FBXL20: variants seen among roughly 807,000 people sequenced by gnomAD.
The protein encoded by FBXL20 is F-box/LRR-repeat protein 20.
FBXL20 carries 11 observed loss-of-function variants against 64.0 expected under a neutral mutation model. The observed-to-expected ratio is 0.17, with a 90% confidence interval of 0.11 to 0.28. The LOEUF is 0.28. FBXL20 is among the 10% of genes least tolerant of loss of function. FBXL20 has a pLI of 1.00. For synonymous variants in FBXL20, 184 were observed against 189.0 expected, an observed-to-expected ratio of 0.97 and a Z score of 0.22; for missense variants, 303 against 526.2, an observed-to-expected ratio of 0.58 and a Z score of 4.15.
At chr17:39,278,633 C>T (rs556919539) in intron 9 of FBXL20, among the ~76,000 whole-genome samples, 1 of 150,606 alleles carries the variant, frequency 6.6e-6, no homozygotes, top group African/African-American at 2.4e-5. Context: ...CTGCAACCTC[C>T]ACCTCCTGGG....
intron 1 of FBXL20, among the ~76,000 whole-genome samples, chr17:39,346,519 T>C (rs1183476054): frequency 6.6e-6 from 1 of 152,144 alleles, no homozygotes; most frequent in Non-Finnish European, 1.5e-5. Context: ...ATTAAAATTA[T>C]GGTCCAAGTA....
At chr17:39,377,260 A>T (rs2047976129) in intron 1 of FBXL20, among the ~76,000 whole-genome samples, 1 of 151,450 alleles carries the variant, frequency 6.6e-6, no homozygotes, top group Non-Finnish European at 1.5e-5. Flanking sequence ...TGGAGCCCCC[A>T]CCCAGGAACT....
intron 2 of FBXL20, among the ~76,000 whole-genome samples, chr17:39,326,342 A>C (rs922287559): frequency 6.6e-6 from 1 of 152,122 alleles, no homozygotes; most frequent in African/African-American, 2.4e-5. Flanking sequence ...GAATAACCTA[A>C]AGAACTAATC....
At chr17:39,291,734 C>T (rs1360533783) in intron 6 of FBXL20, among the ~76,000 whole-genome samples, 1 of 152,116 alleles carries the variant, frequency 6.6e-6, no homozygotes, top group Admixed American at 6.6e-5. Context: ...TGTGCCCGGC[C>T]AAACTTTTCT....
intron 1 of FBXL20, among the ~76,000 whole-genome samples, chr17:39,379,241 CATA>C (rs556540452): frequency 2.7e-5 from 4 of 150,710 alleles, no homozygotes; most frequent in African/African-American, 7.3e-5. Context: ...AATAAAATAA[CATA>C]ATAATAATAA....
rs2046717653 is a variant in FBXL20 at position 39,258,718 on chromosome 17, G to C, written c.*2742C>G. The C allele has an allele frequency of 6.6e-6, 1 of 152,076 alleles. No individual in the cohort carries two copies. The highest frequency in any genetic ancestry group is 6.6e-5 in the Admixed American group (1 of 15,254). 9.4% of individuals were successfully genotyped at this position (152,076 alleles called of 1,614,324 possible). A position where few individuals can be genotyped will look rare whatever the true frequency, so the allele number is the denominator to read the frequency against. ...AAATCCACACTCACTAATCAATCTG[G>C]GTTTTATGGTCAATTTGTACAGGCA... On this transcript the variant is annotated 3_prime_UTR_variant, in exon 15 of 15. Transcript: ENST00000264658.
At chr17:39,390,582 C>G (rs1159332667) in intron 1 of FBXL20, among the ~76,000 whole-genome samples, 1 of 151,244 alleles carries the variant, frequency 6.6e-6, no homozygotes, top group African/African-American at 2.4e-5. Context: ...AAAAAAATAG[C>G]CAGATATGGT....
rs147031283 is a variant in FBXL20 at position 39,396,574 on chromosome 17, C to T, written c.42+4787G>A. 9.9e-4 allele frequency among the ~76,000 whole-genome samples: 139 copies of T among 140,168 alleles called. No individual in the cohort carries two copies. In the East Asian group the frequency reaches 0.024, roughly 24 times the overall value. The allele number at this position is 140,168 out of a possible 152,430, so 92.0% of individuals were successfully genotyped here. A position where few individuals can be genotyped will look rare whatever the true frequency, so the allele number is the denominator to read the frequency against. Reference sequence around the variant, plus strand: ...TCGCACCATTGCACTCTGACCTGGGCGACAAAAGCGAAACTCCGTCTCAAA... The same window carrying T: ...TCGCACCATTGCACTCTGACCTGGGTGACAAAAGCGAAACTCCGTCTCAAA... On this transcript the variant is annotated intron_variant, in intron 1 of 14. Coordinates refer to ENST00000264658, the MANE Select transcript of FBXL20 (RefSeq NM_032875.3).
intron 1 of FBXL20, among the ~76,000 whole-genome samples, chr17:39,400,274 C>T (rs1663686927): frequency 6.6e-6 from 1 of 152,150 alleles, no homozygotes; most frequent in African/African-American, 2.4e-5. Context: ...TTTCCCAGTT[C>T]GCATAATAAG....
chr17:39,392,369 G>A (rs1219993918), intron 1 of FBXL20, among the ~76,000 whole-genome samples: 4 of 151,632 alleles, frequency 2.6e-5, no homozygotes, highest in African/African-American at 9.7e-5. Flanking sequence ...GAACCTGGGA[G>A]GCGGAGGTTG....
chr17:39,333,256 C>T (rs532087325), intron 2 of FBXL20, among the ~76,000 whole-genome samples: 1 of 152,338 alleles, frequency 6.6e-6, no homozygotes, highest in African/African-American at 2.4e-5. Flanking sequence ...CCTGATTCTC[C>T]TGCCTCAGCC....
chr17:39,295,647 A>G (rs1376096305), intron 6 of FBXL20, among the ~76,000 whole-genome samples: 1 of 152,048 alleles, frequency 6.6e-6, no homozygotes, highest in Non-Finnish European at 1.5e-5. Context: ...TGGCTATTAA[A>G]CGATAAAACA....
At chr17:39,319,178 G>A (rs1343495822) in intron 2 of FBXL20, among the ~76,000 whole-genome samples, 2 of 151,988 alleles carry the variant, frequency 1.3e-5, no homozygotes, top group African/African-American at 4.8e-5. Context: ...GAACCAGGGA[G>A]TAGGAGGTTG....
At chr17:39,326,297 G>T (rs914042010) in intron 2 of FBXL20, among the ~76,000 whole-genome samples, 1 of 151,732 alleles carries the variant, frequency 6.6e-6, no homozygotes, top group Non-Finnish European at 1.5e-5. Flanking sequence ...AACTGAATAC[G>T]AAAATAAATG....
chr17:39,358,141 C>T (rs898437552), intron 1 of FBXL20, among the ~76,000 whole-genome samples: 1 of 152,134 alleles, frequency 6.6e-6, no homozygotes, highest in Admixed American at 6.6e-5. Context: ...AGAACAGGAG[C>T]TCTGATGTCC....
intron 1 of FBXL20, among the ~76,000 whole-genome samples, chr17:39,372,567 C>T (rs1053908338): frequency 6.9e-6 from 1 of 144,290 alleles, no homozygotes; most frequent in African/African-American, 2.5e-5. Context: ...AGGCAAAAAA[C>T]CTTGAAAATG....
intron 2 of FBXL20, among the ~76,000 whole-genome samples, chr17:39,319,016 C>T (rs2144507267): frequency 6.6e-6 from 1 of 151,890 alleles, no homozygotes; most frequent in South Asian, 2.1e-4. Flanking sequence ...TTTGGGAGGT[C>T]GAGGCAGGCA....
In FBXL20 at chr17:39,265,264, C is replaced by T. The variant is rs16968698; in HGVS notation, c.990+133G>A. ...TTCACTCATGTACTCCTTTGGTTCT[C>T]AGTAAGCTGGCAGTTTGAAGAAGCA... On this transcript the variant is annotated intron_variant, in intron 13 of 14. Coordinates refer to ENST00000264658, the MANE Select transcript of FBXL20 (RefSeq NM_032875.3). The T allele has an allele frequency of 0.015, 9,401 of 643,096 alleles. 684 individuals are homozygous for T. The African/African-American group carries it at 0.16, about 11-fold the overall frequency. 39.8% of individuals were successfully genotyped at this position (643,096 alleles called of 1,614,324 possible).
At chr17:39,315,979 T>C (rs1380112192) in intron 2 of FBXL20, among the ~76,000 whole-genome samples, 1 of 152,118 alleles carries the variant, frequency 6.6e-6, no homozygotes, top group Non-Finnish European at 1.5e-5. Flanking sequence ...TCCCAGCTTT[T>C]GGAAAGGCCA....
Sources: allele counts gnomAD v4.1 joint callset (sites outside exome capture counted in the v4.1 genomes callset), GRCh38; gene constraint gnomAD v4.1.1; transcripts MANE v1.5; gene names NCBI Gene and HGNC (gene_info 2026-07-23, HGNC 2026-07-21).